Variants in MAP2K6 observed in about 807,000 individuals in gnomAD.
MAP2K6 encodes dual specificity mitogen-activated protein kinase kinase 6.
Under a neutral mutation model 53.7 loss-of-function variants are expected in MAP2K6, and 16 were observed. The observed-to-expected ratio is 0.30, with a 90% CI of 0.20 to 0.45. The LOEUF is 0.45. Among genes scored for constraint, MAP2K6 ranks in the 20% least tolerant of loss-of-function variants. The probability of loss-of-function intolerance (pLI) is 1.00; values close to 1 mark genes in which losing one functional copy is unlikely to be tolerated. For missense variants in MAP2K6, 204 were observed against 411.9 expected (o/e 0.50, Z 4.37); for synonymous variants, 132 against 143.1 (o/e 0.92, Z 0.55).
At chr17:69,503,965 C>A (rs1206089029) in intron 1 of MAP2K6, among the ~76,000 whole-genome samples, 1 of 152,122 alleles carries the variant, frequency 6.6e-6, no homozygotes, top group African/African-American at 2.4e-5. Flanking sequence ...AACTCAAAAT[C>A]CCGGGTACGT....
chr17:69,540,213 A>G (rs1911548599), intron 11 of MAP2K6, among the ~76,000 whole-genome samples: 1 of 152,194 alleles, frequency 6.6e-6, no homozygotes, highest in African/African-American at 2.4e-5. Context: ...ATAATTAGAA[A>G]ACCTACAGCT....
At chr17:69,518,871 G>C (rs1910314364) in intron 4 of MAP2K6, among the ~76,000 whole-genome samples, 1 of 152,086 alleles carries the variant, frequency 6.6e-6, no homozygotes, top group East Asian at 1.9e-4. Flanking sequence ...CTTCTATTTT[G>C]TATAGCTGTA....
intron 1 of MAP2K6, among the ~76,000 whole-genome samples, chr17:69,447,506 T>C (rs1907010465): frequency 1.3e-5 from 2 of 151,734 alleles, no homozygotes; most frequent in South Asian, 4.2e-4. Flanking sequence ...CCACCATGCC[T>C]CGCTAATTTT....
chr17:69,476,779 T>A (rs1425946451), intron 1 of MAP2K6, among the ~76,000 whole-genome samples: 1 of 152,182 alleles, frequency 6.6e-6, no homozygotes, highest in Admixed American at 6.5e-5. Flanking sequence ...TCTGTGAAGG[T>A]GCTATAGAGA....
chr17:69,416,592 GTA>G (rs1156293233), intron 1 of MAP2K6, among the ~76,000 whole-genome samples: 1 of 152,100 alleles, frequency 6.6e-6, no homozygotes, highest in African/African-American at 2.4e-5. Flanking sequence ...ATGTATGTGT[GTA>G]TATATATGCA....
intron 1 of MAP2K6, among the ~76,000 whole-genome samples, chr17:69,498,160 AC>A (rs1909014640): frequency 6.6e-6 from 1 of 152,238 alleles, no homozygotes; most frequent in South Asian, 2.1e-4. Flanking sequence ...TAGAGATAAC[AC>A]AGTGAGGAGC....
chr17:69,423,172 C>T (rs1411508258), intron 1 of MAP2K6, among the ~76,000 whole-genome samples: 5 of 152,130 alleles, frequency 3.3e-5, no homozygotes, highest in Non-Finnish European at 2.9e-5. Context: ...CGTGAGCCAT[C>T]GTGCCCGGCC....
chr17:69,535,970 A>G (rs1359748825), intron 10 of MAP2K6, 145 bp from the exon 11 acceptor site: 7 of 619,668 alleles, frequency 1.1e-5, no homozygotes. Context: ...TAAGTGTTAC[A>G]GAAGAGGAAA....
intron 2 of MAP2K6, among the ~76,000 whole-genome samples, chr17:69,508,925 G>A (rs998638343): frequency 6.6e-6 from 1 of 152,130 alleles, no homozygotes; most frequent in East Asian, 1.9e-4. Context: ...GGGCATATTT[G>A]TTTGAAGTTA....
At chr17:69,475,174 T>TG (rs201624377) in intron 1 of MAP2K6, among the ~76,000 whole-genome samples, 2,014 of 146,704 alleles carry the variant, frequency 0.014, 45 homozygotes, top group African/African-American at 0.047. Context: ...GTTTTTTTTT[T>TG]TTTTTTTTTT....
At chr17:69,435,604 T>G (rs557169004) in intron 1 of MAP2K6, 1 of 152,168 alleles carries the variant, frequency 6.6e-6, no homozygotes, top group African/African-American at 2.4e-5. Context: ...GTTGTGAAGT[T>G]TTCAAGGAAA....
intron 1 of MAP2K6, among the ~76,000 whole-genome samples, chr17:69,495,006 GA>G (rs369313832): frequency 0.014 from 1,899 of 139,430 alleles, 38 homozygotes; most frequent in African/African-American, 0.047. Flanking sequence ...ACTCTGTCTA[GA>G]AAAAAAACCA....
intron 1 of MAP2K6, chr17:69,433,742 A>G (rs1906547527): frequency 6.6e-6 from 1 of 152,230 alleles, no homozygotes; most frequent in Non-Finnish European, 1.5e-5. Context: ...TGAAAGGTGA[A>G]TGGGAGAATC....
chr17:69,496,277 T>C (rs1448411270), intron 1 of MAP2K6, among the ~76,000 whole-genome samples: 2 of 150,048 alleles, frequency 1.3e-5, no homozygotes, highest in Non-Finnish European at 3.0e-5. Context: ...TTCCCTTCTT[T>C]TTTTTTTTTT....
chr17:69,443,146 G>T (rs1047554475), intron 1 of MAP2K6, among the ~76,000 whole-genome samples: 1 of 151,624 alleles, frequency 6.6e-6, no homozygotes, highest in Non-Finnish European at 1.5e-5. Context: ...TGAATTTATT[G>T]TACCTCTCTC....
chr17:69,541,563 A>C, intron 11 of MAP2K6, 113 bp from the exon 12 acceptor site: 1 of 705,156 alleles, frequency 1.4e-6, no homozygotes. Context: ...AGCCCAGCCT[A>C]GCTCTGATAG....
intron 1 of MAP2K6, among the ~76,000 whole-genome samples, chr17:69,499,992 G>T (rs1159442842): frequency 2.6e-5 from 4 of 152,140 alleles, no homozygotes; most frequent in Non-Finnish European, 5.9e-5. Flanking sequence ...CTCTGGGAAG[G>T]TTCTATGAGG....
At position 69,508,041 on chromosome 17, in the gene MAP2K6, G is replaced by GTTTTTTTTTTTTTTTT. The variant is rs71144698; in HGVS notation, c.83+2207_83+2222dup. On this transcript the variant is annotated intron_variant, in intron 2 of 11. Coordinates refer to ENST00000590474, the MANE Select transcript of MAP2K6 (RefSeq NM_002758.4). The stretch of plus-strand genomic sequence containing the variant: ...TCTGATGTGTAGTGATATATATGTA[G>GTTTTTTTTTTTTTTTT]TTTTTTTTTTTTTTTTTTTTTTTTT... Among the ~76,000 whole-genome samples the GTTTTTTTTTTTTTTTT allele has an allele frequency of 4.5e-5, 2 of 44,874 alleles. 1 individual carries two copies. Among genetic ancestry groups the GTTTTTTTTTTTTTTTT allele is most frequent in the Non-Finnish European group, 7.6e-5 (2 of 26,334 alleles). 29.4% of individuals were successfully genotyped at this position (44,874 alleles called of 152,430 possible).
chr17:69,519,350 G>A lies in MAP2K6; in HGVS notation c.284G>A (p.Arg95Gln), dbSNP rs1280475521. 3.1e-6 allele frequency: 5 copies of A among 1,613,908 alleles called. No homozygotes were observed. Among genetic ancestry groups the A allele is most frequent in the Non-Finnish European group, 4.2e-6 (5 of 1,179,902 alleles). The change falls in exon 5 of 12, where the codon CGG becomes CAG. Residue 95 changes from arginine to glutamine, a missense_variant. Physicochemically the swap from Arg to Gln is conservative, Grantham distance 43. Coordinates refer to ENST00000590474, the MANE Select transcript of MAP2K6 (RefSeq NM_002758.4). ...RATVNSQEQK[R>Q]LLMDLDISMR... Reference sequence around the variant, plus strand: ...ACAGTAAATAGCCAGGAACAGAAACGGCTACTGATGGATTTGGATATTTCC... The same window carrying A: ...ACAGTAAATAGCCAGGAACAGAAACAGCTACTGATGGATTTGGATATTTCC...
Sources: gnomAD v4.1 joint callset for allele counts (sites outside exome capture counted in the v4.1 genomes callset) on GRCh38, gnomAD v4.1.1 for gene constraint, MANE v1.5 for transcripts, NCBI Gene and HGNC (gene_info 2026-07-23, HGNC 2026-07-21) for gene names.